ZEB2: variants seen among roughly 807,000 people sequenced by gnomAD.
ZEB2 encodes zinc finger E-box binding homeobox 2, also known as zinc finger E-box-binding homeobox 2.
ZEB2 carries 6 observed loss-of-function variants against 99.9 expected under a neutral mutation model. The observed-to-expected ratio is 0.06, with a 90% confidence interval of 0.03 to 0.12. The LOEUF is 0.12. Ranked by LOEUF, ZEB2 falls within the 10% of genes least tolerant of loss-of-function variation. The pLI is 1.00. For synonymous variants in ZEB2, 517 were observed against 542.5 expected (o/e 0.95, Z 0.65); for missense variants, 969 against 1,502.8 (o/e 0.64, Z 5.87).
intron 2 of ZEB2, among the ~76,000 whole-genome samples, chr2:144,508,144 C>T (rs1415249188): frequency 6.6e-6 from 1 of 152,144 alleles, no homozygotes; most frequent in East Asian, 1.9e-4. Flanking sequence ...ACCTTCTTGC[C>T]AAACAACAGT....
intron 4 of ZEB2, among the ~76,000 whole-genome samples, chr2:144,407,971 T>C (rs1490360765): frequency 6.6e-6 from 1 of 152,210 alleles, no homozygotes; most frequent in Non-Finnish European, 1.5e-5. Context: ...TTCAATTGGA[T>C]TTGCATTAAT....
rs1023456311 is a variant in ZEB2, at chr2:144,513,255, T to C, written c.73+4023A>G. On this transcript the variant is annotated intron_variant, in intron 2 of 9. Transcript: ENST00000627532. ...GGAAGTGGTAAAGAGTGAGGGCTTA[T>C]TTTAAACAGGGATAACCATTTCTGC... 3.9e-6 allele frequency: 5 copies of C among 1,288,054 alleles called. No homozygotes were observed. The African/African-American group carries it at 7.6e-5, about 20-fold the overall frequency. The allele number at this position is 1,288,054 out of a possible 1,614,324, so 79.8% of individuals were successfully genotyped here. A position where few individuals can be genotyped will look rare whatever the true frequency, so the allele number is the denominator to read the frequency against.
At chr2:144,488,558 C>CA (rs1704630376) in intron 2 of ZEB2, among the ~76,000 whole-genome samples, 1 of 147,932 alleles carries the variant, frequency 6.8e-6, no homozygotes, top group Non-Finnish European at 1.5e-5. Flanking sequence ...AAATCCATGA[C>CA]TTTTTTTTTT....
intron 2 of ZEB2, among the ~76,000 whole-genome samples, chr2:144,493,284 T>A (rs1456144054): frequency 6.6e-6 from 1 of 152,204 alleles, no homozygotes; most frequent in Non-Finnish European, 1.5e-5. Flanking sequence ...TAGTCACACC[T>A]TGAAACAGTC....
chr2:144,515,341 A>G (rs1705114911), intron 2 of ZEB2, among the ~76,000 whole-genome samples: 1 of 152,194 alleles, frequency 6.6e-6, no homozygotes, highest in South Asian at 2.1e-4. Flanking sequence ...TTGATTTTAG[A>G]AAATCAATAA....
At chr2:144,410,017 T>C (rs1464859963) in intron 4 of ZEB2, among the ~76,000 whole-genome samples, 1 of 151,536 alleles carries the variant, frequency 6.6e-6, no homozygotes. Flanking sequence ...GTTCACACTA[T>C]TCTCCTGCCT....
chr2:144,402,500 C>T (rs886965023), intron 6 of ZEB2, among the ~76,000 whole-genome samples: 2 of 152,172 alleles, frequency 1.3e-5, no homozygotes, highest in African/African-American at 4.8e-5. Context: ...GCAACAGCTG[C>T]TTTGTCTCCC....
chr2:144,400,088 T>C lies in ZEB2; in HGVS notation c.1099A>G (p.Thr367Ala). The change falls in exon 8 of 10, where the codon ACC becomes GCC. Residue 367 changes from threonine to alanine, a missense_variant. Thr to Ala is a moderately conservative substitution (Grantham distance 58). Coordinates refer to ENST00000627532, the MANE Select transcript of ZEB2 (RefSeq NM_014795.4). ...VSSSPTNSAITQLRNKLENGK... is the reference protein window; with the variant it reads ...VSSSPTNSAIAQLRNKLENGK... ...TTCTCCAACTTGTTTCTTAACTGGG[T>C]AATGGCTGAATTAGTAGGAGAAGAA... The C allele has an allele frequency of 6.2e-7, 1 of 1,613,988 alleles. No individual in the cohort carries two copies. Among genetic ancestry groups the C allele is most frequent in the Non-Finnish European group, 8.5e-7 (1 of 1,179,816 alleles).
intron 2 of ZEB2, among the ~76,000 whole-genome samples, chr2:144,484,185 T>TGTGTGTGTGTGTGTG (rs1704560817): frequency 2.8e-5 from 4 of 142,416 alleles, no homozygotes; most frequent in Non-Finnish European, 4.6e-5. Context: ...AAATCTGGAT[T>TGTGTGTGTGTGTGTG]TGTGTGTGTG....
At chr2:144,446,011 G>C (rs1703978221) in intron 2 of ZEB2, among the ~76,000 whole-genome samples, 1 of 151,988 alleles carries the variant, frequency 6.6e-6, no homozygotes, top group Admixed American at 6.6e-5. Flanking sequence ...AAGACATGTG[G>C]GGATACTCTA....
intron 2 of ZEB2, among the ~76,000 whole-genome samples, chr2:144,441,548 A>G (rs1338097733): frequency 6.6e-6 from 1 of 152,096 alleles, no homozygotes; most frequent in Non-Finnish European, 1.5e-5. Flanking sequence ...TTTCTAAAAA[A>G]AAAAAAAAAA....
chr2:144,463,934 A>AC (rs1223998433), intron 2 of ZEB2: 2 of 152,132 alleles, frequency 1.3e-5, no homozygotes, highest in African/African-American at 4.8e-5. Context: ...AGAAAAGAAA[A>AC]AGTAAAAGAA....
At chr2:144,434,375 T>C (rs555162493) in intron 2 of ZEB2, among the ~76,000 whole-genome samples, 66 of 152,206 alleles carry the variant, frequency 4.3e-4, no homozygotes, top group African/African-American at 1.5e-3. Context: ...TTTGGAGAAA[T>C]ATAATCACAA....
chr2:144,494,324 T>C (rs535105125), intron 2 of ZEB2: 1 of 152,316 alleles, frequency 6.6e-6, no homozygotes, highest in South Asian at 2.1e-4. Flanking sequence ...AATGCAAATA[T>C]GAATTCCAAT....
chr2:144,435,270 C>T lies in ZEB2; in HGVS notation c.74-5244G>A, dbSNP rs537812458. Among the ~76,000 whole-genome samples the T allele has an allele frequency of 3.5e-4, 53 of 152,194 alleles. No individual in the cohort carries two copies. The East Asian group carries it at 4.1e-3, about 12-fold the overall frequency. On this transcript the variant is annotated intron_variant, in intron 2 of 9. Coordinates refer to ENST00000627532, the MANE Select transcript of ZEB2 (RefSeq NM_014795.4). ...TAGACGTGACACAGACATGTAACTTCATTTTAAAAATGTCTCTGCTGGTAA... is the reference window on the plus strand; with the variant it reads ...TAGACGTGACACAGACATGTAACTTTATTTTAAAAATGTCTCTGCTGGTAA...
chr2:144,501,833 C>T (rs1279207644), intron 2 of ZEB2, among the ~76,000 whole-genome samples: 3 of 152,148 alleles, frequency 2.0e-5, no homozygotes, highest in Non-Finnish European at 4.4e-5. Context: ...TGGGATTGGA[C>T]AAAATTTTCT....
In ZEB2 at chr2:144,398,550, G is replaced by A. The variant is rs1407442668; in HGVS notation, c.2637C>T (p.Ser879=). 6.2e-7 allele frequency: 1 copy of A among 1,614,118 alleles called. No homozygotes were observed. The highest frequency in any genetic ancestry group is 1.3e-5 in the African/African-American group (1 of 75,026). The stretch of plus-strand genomic sequence containing the variant: ...GGTTCATGCTGAACACTGGGTTAGT[G>A]CTTTTGTTGTCCAGATTATTTGAAT... ...FSNSNNLDNK[S]TNPVFSMNPF... is the part of the protein sequence containing the mutation. Residue 879 remains serine, a synonymous_variant, in exon 8 of 10, where the codon AGC becomes AGT. Transcript: ENST00000627532.
rs1057147593 is a variant in ZEB2 at position 144,398,515 on chromosome 2, G to C, written c.2672C>G (p.Ala891Gly). 6.2e-7 allele frequency: 1 copy of C among 1,614,066 alleles called. No homozygotes were observed. Among genetic ancestry groups the C allele is most frequent in the Admixed American group, 1.7e-5 (1 of 60,030 alleles). The change falls in exon 8 of 10, where the codon GCC (alanine) becomes GGC (glycine). Residue 891 changes from alanine (A) to glycine (G), a missense_variant. Coordinates refer to ENST00000627532, the MANE Select transcript of ZEB2 (RefSeq NM_014795.4). ...NPVFSMNPFS[A>G]KPLYTALPPQ... ...TGGAAGAGCTGTGTATAAAGGTTTG[G>C]CACTAAATGGGTTCATGCTGAACAC...
chr2:144,410,368 CTT>C (rs761757178), intron 4 of ZEB2, among the ~76,000 whole-genome samples: 4 of 152,184 alleles, frequency 2.6e-5, no homozygotes, highest in African/African-American at 4.8e-5. Flanking sequence ...ATTAATGACA[CTT>C]TTATAGATAT....
Sources: allele counts gnomAD v4.1 joint callset (sites outside exome capture counted in the v4.1 genomes callset), GRCh38; gene constraint gnomAD v4.1.1; transcripts MANE v1.5; gene names NCBI Gene and HGNC (gene_info 2026-07-23, HGNC 2026-07-21).